The following ELP4 variants were observed in gnomAD, a reference collection of about 807,000 sequenced individuals.
ELP4 encodes the protein elongator complex protein 4.
Under a neutral mutation model 48.9 loss-of-function variants are expected in ELP4, and 51 were observed. That is an observed-to-expected ratio of 1.04 (90% CI 0.83 to 1.32). ELP4 has a LOEUF of 1.32. Ranked by LOEUF, ELP4 falls within the 40% of genes most tolerant of loss-of-function variation. The pLI is 0.00. For missense variants in ELP4, 519 were observed against 514.6 expected (o/e 1.01, Z -0.08); for synonymous variants, 210 against 189.2 (o/e 1.11, Z -0.90).
At chr11:31,564,046 C>G (rs1957065173) in intron 3 of ELP4, among the ~76,000 whole-genome samples, 1 of 152,118 alleles carries the variant, frequency 6.6e-6, no homozygotes, top group Non-Finnish European at 1.5e-5. Context: ...TAGAAACAGT[C>G]ATTGTAACAA....
intron 3 of ELP4, among the ~76,000 whole-genome samples, chr11:31,545,983 A>G (rs2133917713): frequency 6.6e-6 from 1 of 152,310 alleles, no homozygotes; most frequent in South Asian, 2.1e-4. Context: ...TGCTGAAGGA[A>G]GCACTAAACA....
In ELP4 at chr11:31,681,987, C is replaced by T. The variant is rs994865682; in HGVS notation, c.1143+31766C>T. The T allele has an allele frequency of 1.5e-5, 16 of 1,059,530 alleles. No homozygotes were observed. The East Asian group carries it at 4.1e-4, about 27-fold the overall frequency. The allele number at this position is 1,059,530 out of a possible 1,614,324, so 65.6% of individuals were successfully genotyped here. ...AACTCCTGACCTCAGGTGATTCATC[C>T]GCCTCAGCCTCCCAAAGTGCTGGAA... On this transcript the variant is annotated intron_variant, in intron 9 of 9. Transcript: ENST00000640961.
intron 9 of ELP4, chr11:31,763,356 C>T: frequency 6.7e-7 from 1 of 1,501,030 alleles, no homozygotes. Context: ...AATCCTTCTC[C>T]ATCCCTTCAA....
chr11:31,652,547 G>T (rs1945342676), intron 9 of ELP4: 1 of 151,704 alleles, frequency 6.6e-6, no homozygotes, highest in African/African-American at 2.4e-5. Context: ...AAATCATCGA[G>T]CAAATGCTAC....
At position 31,788,212 on chromosome 11, in the gene ELP4, G is replaced by A; in HGVS notation, c.*4688G>A. The A allele has an allele frequency of 4.4e-6, 1 of 226,838 alleles. No homozygotes were observed. Among genetic ancestry groups the A allele is most frequent in the Non-Finnish European group, 8.8e-6 (1 of 113,990 alleles). 14.1% of individuals were successfully genotyped at this position (226,838 alleles called of 1,614,324 possible). A position where few individuals can be genotyped will look rare whatever the true frequency, so the allele number is the denominator to read the frequency against. On this transcript the variant is annotated 3_prime_UTR_variant, in exon 10 of 10. Coordinates refer to ENST00000640961, the MANE Select transcript of ELP4 (RefSeq NM_019040.5). ...TGCAAATAACAACTGACCAACAATG[G>A]GCCCTGCTTCATAGATTTGGGAATG...
At chr11:31,781,299 C>T (rs1276899254) in intron 9 of ELP4, among the ~76,000 whole-genome samples, 3 of 152,004 alleles carry the variant, frequency 2.0e-5, no homozygotes, top group African/African-American at 7.2e-5. Context: ...TCAGATTATG[C>T]ATGTATCCTG....
rs1330091327 is a variant in ELP4, at chr11:31,514,634, G to C, written c.223+4627G>C. Among the ~76,000 whole-genome samples, 3 of 152,178 alleles carry C rather than the reference G, an allele frequency of 2.0e-5. No homozygotes were observed. In the South Asian group the frequency reaches 6.2e-4, roughly 32 times the overall value. On this transcript the variant is annotated intron_variant, in intron 1 of 9. Transcript: ENST00000640961. ...CCCTATTACTTATCTGTAATACATTGTATTGGGAAAAGATATTTCAGTTTT... is the reference window on the plus strand; with the variant it reads ...CCCTATTACTTATCTGTAATACATTCTATTGGGAAAAGATATTTCAGTTTT...
At chr11:31,652,649 G>T (rs968407499) in intron 9 of ELP4, 11 of 151,704 alleles carry the variant, frequency 7.3e-5, no homozygotes, top group African/African-American at 2.2e-4. Flanking sequence ...TGTAAAGTCT[G>T]AGACTAAAAT....
chr11:31,650,307 C>G (rs1204931762), intron 9 of ELP4, 86 bp downstream of exon 9: 2 of 482,138 alleles, frequency 4.1e-6, no homozygotes, highest in Non-Finnish European at 7.5e-6. Context: ...TTCATTTTCA[C>G]TTATTTTTAC....
At chr11:31,703,979 A>G (rs1219239655) in intron 9 of ELP4, among the ~76,000 whole-genome samples, 1 of 152,198 alleles carries the variant, frequency 6.6e-6, no homozygotes, top group Non-Finnish European at 1.5e-5. Context: ...ACTCTAACTT[A>G]AGCTACAGCA....
intron 7 of ELP4, among the ~76,000 whole-genome samples, chr11:31,643,351 C>G (rs967358765): frequency 6.6e-6 from 1 of 151,748 alleles, no homozygotes; most frequent in Non-Finnish European, 1.5e-5. Flanking sequence ...TGAGGCGTTG[C>G]ATAAATGCTT....
chr11:31,630,411 C>T (rs948370540), intron 6 of ELP4, among the ~76,000 whole-genome samples: 2 of 151,558 alleles, frequency 1.3e-5, no homozygotes, highest in African/African-American at 4.9e-5. Context: ...TCCCTGCAAC[C>T]TCCGCCTCCC....
intron 3 of ELP4, among the ~76,000 whole-genome samples, chr11:31,579,105 C>A (rs940136178): frequency 2.6e-5 from 4 of 151,960 alleles, no homozygotes; most frequent in Admixed American, 2.6e-4. Context: ...AAAATCAACC[C>A]CATCAAAAAG....
intron 6 of ELP4, among the ~76,000 whole-genome samples, chr11:31,627,421 A>G (rs1009093759): frequency 2.0e-5 from 3 of 152,058 alleles, no homozygotes; most frequent in East Asian, 1.9e-4. Context: ...AGACATACAC[A>G]TACTTTATCA....
At chr11:31,597,588 A>G (rs1005131025) in intron 4 of ELP4, among the ~76,000 whole-genome samples, 6 of 127,380 alleles carry the variant, frequency 4.7e-5, no homozygotes, top group Non-Finnish European at 9.2e-5. Context: ...TGAAAGAGTC[A>G]GTAATGAACC....
Position 31,786,400 on chromosome 11 carries a change from T to C in ELP4, c.*2876T>C, listed in dbSNP as rs1194906635. The C allele has an allele frequency of 4.7e-6, 1 of 214,668 alleles. No individual in the cohort carries two copies. Among genetic ancestry groups the C allele is most frequent in the African/African-American group, 2.3e-5 (1 of 44,326 alleles). The allele number at this position is 214,668 out of a possible 1,614,324, so 13.3% of individuals were successfully genotyped here. On this transcript the variant is annotated 3_prime_UTR_variant, in exon 10 of 10. Coordinates refer to ENST00000640961, the MANE Select transcript of ELP4 (RefSeq NM_019040.5). ...CCCTAAGTACTTACACTTTGAACTTTAAAACCGAGCAGTTGAGTCATTCAG... is the reference window on the plus strand; with the variant it reads ...CCCTAAGTACTTACACTTTGAACTTCAAAACCGAGCAGTTGAGTCATTCAG...
chr11:31,709,455 T>G (rs1946696709), intron 9 of ELP4, among the ~76,000 whole-genome samples: 1 of 152,140 alleles, frequency 6.6e-6, no homozygotes, highest in Non-Finnish European at 1.5e-5. Flanking sequence ...TTGTTAAGTA[T>G]GTGGAAAGCA....
chr11:31,691,474 G>A (rs1163602062), intron 9 of ELP4, among the ~76,000 whole-genome samples: 1 of 151,832 alleles, frequency 6.6e-6, no homozygotes, highest in Non-Finnish European at 1.5e-5. Flanking sequence ...ATGTTTTGTG[G>A]ATGAGTTTTA....
intron 3 of ELP4, among the ~76,000 whole-genome samples, chr11:31,577,987 A>G (rs1957315921): frequency 1.3e-5 from 2 of 152,206 alleles, no homozygotes; most frequent in African/African-American, 4.8e-5. Flanking sequence ...TTTAATTAGA[A>G]AAAGAGGAAG....
Sources: allele counts gnomAD v4.1 joint callset (sites outside exome capture counted in the v4.1 genomes callset), GRCh38; gene constraint gnomAD v4.1.1; transcripts MANE v1.5; gene names NCBI Gene and HGNC (gene_info 2026-07-23, HGNC 2026-07-21).